The following GABRG3 variants were observed in gnomAD, a reference collection of about 807,000 sequenced individuals.
GABRG3 encodes the protein gamma-aminobutyric acid receptor subunit gamma-3.
A neutral mutation model predicts 48.8 loss-of-function variants in GABRG3; 25 were observed. The observed-to-expected ratio is 0.51, with a 90% CI of 0.37 to 0.72. The LOEUF is 0.72. Ranked by LOEUF, GABRG3 falls within the 30% of genes least tolerant of loss-of-function variation. GABRG3 has a pLI of 0.00. For missense variants in GABRG3, 394 were observed against 577.9 expected, an observed-to-expected ratio of 0.68 and a Z score of 3.26; for synonymous variants, 227 against 217.6, an observed-to-expected ratio of 1.04 and a Z score of -0.38.
intron 5 of GABRG3, among the ~76,000 whole-genome samples, chr15:27,433,301 T>C (rs111670489): frequency 0.045 from 6,804 of 152,272 alleles, 175 homozygotes; most frequent in Middle Eastern, 0.11. Flanking sequence ...AATTTATTAT[T>C]TTCAGTTTGG....
At chr15:27,262,082 T>A (rs1890786000) in intron 3 of GABRG3, among the ~76,000 whole-genome samples, 1 of 152,162 alleles carries the variant, frequency 6.6e-6, no homozygotes, top group Admixed American at 6.5e-5. Flanking sequence ...CTTCCTTCAT[T>A]AGAGCAGAAG....
chr15:27,418,550 A>G (rs12439549), intron 5 of GABRG3, among the ~76,000 whole-genome samples: 60,222 of 152,046 alleles, frequency 0.4, 13,983 homozygotes, highest in African/African-American at 0.65. Flanking sequence ...CTGTGCAGCC[A>G]AGCCACCCCC....
intron 3 of GABRG3, among the ~76,000 whole-genome samples, chr15:27,263,978 C>T (rs1246187962): frequency 6.6e-6 from 1 of 151,338 alleles, no homozygotes; most frequent in Non-Finnish European, 1.5e-5. Context: ...AAGAGAAGCA[C>T]AGGATGCTTT....
chr15:27,102,839 A>G (rs1897384556), intron 3 of GABRG3, among the ~76,000 whole-genome samples: 1 of 152,222 alleles, frequency 6.6e-6, no homozygotes, highest in Non-Finnish European at 1.5e-5. Context: ...ATGTGTTGAT[A>G]CTTTTTCTTC....
intron 7 of GABRG3, among the ~76,000 whole-genome samples, chr15:27,526,442 C>T (rs903088043): frequency 6.6e-6 from 1 of 152,156 alleles, no homozygotes; most frequent in Non-Finnish European, 1.5e-5. Context: ...AATTCAGATT[C>T]CTGTGATTCT....
chr15:27,404,478 C>T (rs1034649841), intron 5 of GABRG3, among the ~76,000 whole-genome samples: 1 of 152,148 alleles, frequency 6.6e-6, no homozygotes, highest in African/African-American at 2.4e-5. Context: ...GGGCGTCAAC[C>T]AGATACCCCA....
chr15:27,314,599 A>G (rs770985725), intron 3 of GABRG3, among the ~76,000 whole-genome samples: 2 of 152,216 alleles, frequency 1.3e-5, no homozygotes, highest in Admixed American at 1.3e-4. Flanking sequence ...TCTTTCAAAG[A>G]TATCTTAGCA....
At chr15:26,977,456 G>C (rs1375636964) in intron 2 of GABRG3, among the ~76,000 whole-genome samples, 3 of 152,124 alleles carry the variant, frequency 2.0e-5, no homozygotes, top group Admixed American at 2.0e-4. Flanking sequence ...TCCCTTTACT[G>C]TCACATCTGC....
chr15:26,977,593 G>A (rs1894975623), intron 2 of GABRG3, among the ~76,000 whole-genome samples: 1 of 151,950 alleles, frequency 6.6e-6, no homozygotes, highest in African/African-American at 2.4e-5. Context: ...TTTGAGACTG[G>A]CTTTTCTTTA....
intron 3 of GABRG3, among the ~76,000 whole-genome samples, chr15:27,074,672 CTA>C (rs1896882781): frequency 1.3e-5 from 2 of 150,796 alleles, no homozygotes; most frequent in Non-Finnish European, 2.9e-5. Flanking sequence ...ATTGAAGCAA[CTA>C]TTATTATCCT....
chr15:27,442,035 C>T (rs906957566), intron 5 of GABRG3, among the ~76,000 whole-genome samples: 1 of 152,170 alleles, frequency 6.6e-6, no homozygotes, highest in Non-Finnish European at 1.5e-5. Context: ...CTAAGACCTA[C>T]TGAAGCATGG....
intron 3 of GABRG3, among the ~76,000 whole-genome samples, chr15:27,289,583 A>G (rs554049987): frequency 6.6e-6 from 1 of 152,334 alleles, no homozygotes; most frequent in South Asian, 2.1e-4. Flanking sequence ...AGGACTGTAC[A>G]TAAGCACTGT....
At chr15:27,233,628 C>T (rs1385336182) in intron 3 of GABRG3, among the ~76,000 whole-genome samples, 1 of 152,132 alleles carries the variant, frequency 6.6e-6, no homozygotes, top group South Asian at 2.1e-4. Context: ...GAGGCCCCAC[C>T]TCATAAAGCC....
In GABRG3 at chr15:27,527,560, G is replaced by A; in HGVS notation, c.993G>A (p.Leu331=). ...GCTTCCTGTTTGTCTTCGCCGCGCT[G>A]ATGGAGTATGCCACCCTCAACTACT... ...TVCFLFVFAA[L]MEYATLNYYS... is the part of the protein sequence containing the mutation. Residue 331 remains leucine (L), a synonymous_variant, in exon 8 of 10, where the codon CTG becomes CTA. Transcript: ENST00000615808. The A allele has an allele frequency of 1.9e-6, 3 of 1,613,902 alleles. No homozygotes were observed. Among genetic ancestry groups the A allele is most frequent in the Non-Finnish European group, 2.5e-6 (3 of 1,179,866 alleles).
chr15:26,979,947 C>A (rs894216421), intron 2 of GABRG3, among the ~76,000 whole-genome samples: 14 of 152,104 alleles, frequency 9.2e-5, no homozygotes, highest in African/African-American at 3.4e-4. Flanking sequence ...TGATAGAATT[C>A]TCCAGTGATA....
intron 3 of GABRG3, among the ~76,000 whole-genome samples, chr15:27,067,033 C>G (rs1376518320): frequency 7.2e-5 from 11 of 152,194 alleles, no homozygotes; most frequent in South Asian, 2.1e-4. Context: ...TCAGCAAGTA[C>G]AGGAGTGCAC....
intron 5 of GABRG3, among the ~76,000 whole-genome samples, chr15:27,386,110 G>A (rs954640273): frequency 1.3e-5 from 2 of 152,050 alleles, no homozygotes; most frequent in Non-Finnish European, 2.9e-5. Context: ...CTCTGATGTC[G>A]TCTTCTCTCT....
chr15:27,121,612 C>A (rs958309744), intron 3 of GABRG3, among the ~76,000 whole-genome samples: 2 of 152,202 alleles, frequency 1.3e-5, no homozygotes, highest in African/African-American at 4.8e-5. Context: ...AAATGCTGTG[C>A]CACCTACTGT....
chr15:27,454,840 A>T (rs959912514), intron 5 of GABRG3, among the ~76,000 whole-genome samples: 1 of 152,154 alleles, frequency 6.6e-6, no homozygotes, highest in Non-Finnish European at 1.5e-5. Flanking sequence ...AAAGTAGAAA[A>T]CTGCAAGCAG....
Sources: gnomAD v4.1 joint callset for allele counts (sites outside exome capture counted in the v4.1 genomes callset) on GRCh38, gnomAD v4.1.1 for gene constraint, MANE v1.5 for transcripts, NCBI Gene and HGNC (gene_info 2026-07-23, HGNC 2026-07-21) for gene names.